Variants in MED12L observed in about 807,000 individuals in gnomAD.
MED12L encodes the protein mediator complex subunit 12L.
In MED12L, 60 loss-of-function variants were observed where a neutral mutation model predicts 281.3. The observed-to-expected ratio is 0.21, with a 90% confidence interval of 0.17 to 0.26. The LOEUF is 0.26. Among genes scored for constraint, MED12L ranks in the 10% least tolerant of loss-of-function variants. The pLI is 1.00. For missense variants in MED12L, 2,146 were observed against 2,680.9 expected, an observed-to-expected ratio of 0.80 and a Z score of 4.41; for synonymous variants, 974 against 987.2, an observed-to-expected ratio of 0.99 and a Z score of 0.25.
chr3:151,230,853 T>C (rs962752218), intron 16 of MED12L, among the ~76,000 whole-genome samples: 2 of 152,146 alleles, frequency 1.3e-5, no homozygotes, highest in African/African-American at 2.4e-5. Context: ...GTCAGTGAGC[T>C]CATCTTGTTT....
chr3:151,254,638 A>T (rs1202662050), intron 16 of MED12L, among the ~76,000 whole-genome samples: 1 of 152,258 alleles, frequency 6.6e-6, no homozygotes, highest in Non-Finnish European at 1.5e-5. Flanking sequence ...AGCTGCATTT[A>T]GAGAGAAATG....
chr3:151,332,030 G>A (rs570198907), intron 16 of MED12L, among the ~76,000 whole-genome samples: 152 of 152,334 alleles, frequency 1.0e-3, no homozygotes, highest in African/African-American at 3.5e-3. Flanking sequence ...CCTGATGTGT[G>A]AGAAGGAAAC....
At chr3:151,094,677 A>G (rs1720486705) in intron 2 of MED12L, among the ~76,000 whole-genome samples, 1 of 152,216 alleles carries the variant, frequency 6.6e-6, no homozygotes, top group Non-Finnish European at 1.5e-5. Flanking sequence ...TTAAAAATAT[A>G]TATACACAAT....
At chr3:151,368,667 T>TTCATG (rs1560087281) in intron 25 of MED12L, among the ~76,000 whole-genome samples, 169 of 58,022 alleles carry the variant, frequency 2.9e-3, no homozygotes, top group Non-Finnish European at 4.0e-3. Flanking sequence ...TTCATTTCAT[T>TTCATG]TCATTTCATG....
At chr3:151,285,750 G>A (rs1355914762) in intron 16 of MED12L, among the ~76,000 whole-genome samples, 1 of 152,098 alleles carries the variant, frequency 6.6e-6, no homozygotes, top group Non-Finnish European at 1.5e-5. Flanking sequence ...ATTAAGAGGT[G>A]GGGCCTTTGG....
chr3:151,288,797 A>G (rs1051090005), intron 16 of MED12L, among the ~76,000 whole-genome samples: 1 of 140,820 alleles, frequency 7.1e-6, no homozygotes, highest in African/African-American at 2.7e-5. Flanking sequence ...TTACCACATT[A>G]TATTAACTGT....
intron 16 of MED12L, among the ~76,000 whole-genome samples, chr3:151,309,141 GCACA>G (rs1553775156): frequency 1.9e-3 from 287 of 147,598 alleles, no homozygotes; most frequent in African/African-American, 6.3e-3. Flanking sequence ...ACACACACAC[GCACA>G]CACACACACA....
At chr3:151,275,526 A>C (rs371232509) in intron 16 of MED12L, among the ~76,000 whole-genome samples, 1 of 152,234 alleles carries the variant, frequency 6.6e-6, no homozygotes, top group Non-Finnish European at 1.5e-5. Flanking sequence ...ATCTAAAAGC[A>C]TATGACCAGT....
chr3:151,344,097 A>G (rs984551460), intron 16 of MED12L, among the ~76,000 whole-genome samples: 4 of 152,078 alleles, frequency 2.6e-5, no homozygotes, highest in Non-Finnish European at 5.9e-5. Flanking sequence ...TTTCGCAAAA[A>G]TGAATGCCGT....
intron 11 of MED12L, among the ~76,000 whole-genome samples, chr3:151,169,705 C>G (rs547395184): frequency 4.6e-5 from 7 of 152,282 alleles, no homozygotes; most frequent in Non-Finnish European, 1.0e-4. Flanking sequence ...TGTGATGATG[C>G]TGTTCTCTGA....
intron 13 of MED12L, 35 bp from the exon 14 acceptor site, chr3:151,190,682 T>A: frequency 2.5e-6 from 4 of 1,596,348 alleles, no homozygotes; most frequent in Non-Finnish European, 3.4e-6. Flanking sequence ...TACCACCTGC[T>A]CAAGGAATTC....
intron 16 of MED12L, among the ~76,000 whole-genome samples, chr3:151,275,678 A>G (rs1188764227): frequency 6.6e-6 from 1 of 152,172 alleles, no homozygotes; most frequent in African/African-American, 2.4e-5. Flanking sequence ...TAAGGGTGCT[A>G]GGGAGGAAAA....
intron 16 of MED12L, chr3:151,329,516 T>G: frequency 6.5e-7 from 1 of 1,548,520 alleles, no homozygotes; most frequent in East Asian, 2.5e-5. Flanking sequence ...TGTCTTCTTA[T>G]GGCGGCAGTC....
intron 5 of MED12L, among the ~76,000 whole-genome samples, chr3:151,150,052 G>A (rs1718249356): frequency 6.6e-6 from 1 of 152,074 alleles, no homozygotes; most frequent in Non-Finnish European, 1.5e-5. Context: ...GTCAATATTT[G>A]ACCCCCTGAC....
At chr3:151,377,989 G>A in intron 30 of MED12L, 23 bp from the exon 31 acceptor site, 1 of 1,577,092 alleles carries the variant, frequency 6.3e-7, no homozygotes, top group South Asian at 1.2e-5. Flanking sequence ...TTTCTCCGGT[G>A]TAACACCTGT....
At chr3:151,088,025 C>A (rs1292909523) in intron 2 of MED12L, among the ~76,000 whole-genome samples, 2 of 152,162 alleles carry the variant, frequency 1.3e-5, no homozygotes, top group Non-Finnish European at 2.9e-5. Context: ...AAAAACCCTC[C>A]ATTAAAAGTT....
chr3:151,246,917 T>G (rs1344472728), intron 16 of MED12L, among the ~76,000 whole-genome samples: 37 of 151,782 alleles, frequency 2.4e-4, no homozygotes, highest in Admixed American at 2.4e-3. Flanking sequence ...TGAAACAAAT[T>G]TACAAGAAAA....
chr3:151,112,062 A>C lies in MED12L; in HGVS notation c.100-4276A>C, dbSNP rs1178860205. On this transcript the variant is annotated intron_variant, in intron 2 of 44. Coordinates refer to ENST00000687756, the MANE Select transcript of MED12L (RefSeq NM_001393769.1). ...TTTAATATACATTTAATACACACTGAGTTTCTGAGGAATATAACTGTTGCG... is the reference window on the plus strand; with the variant it reads ...TTTAATATACATTTAATACACACTGCGTTTCTGAGGAATATAACTGTTGCG... Among the ~76,000 whole-genome samples, 3 of 152,086 alleles carry C rather than the reference A, an allele frequency of 2.0e-5. No individual in the cohort carries two copies. In the East Asian group the frequency reaches 5.8e-4, roughly 29 times the overall value.
intron 2 of MED12L, among the ~76,000 whole-genome samples, chr3:151,090,107 C>G (rs923250574): frequency 6.6e-6 from 1 of 152,136 alleles, no homozygotes. Context: ...TTCCACTCAG[C>G]TCTTCTCACC....
Sources: gnomAD v4.1 joint callset for allele counts (sites outside exome capture counted in the v4.1 genomes callset) on GRCh38, gnomAD v4.1.1 for gene constraint, MANE v1.5 for transcripts, NCBI Gene and HGNC (gene_info 2026-07-23, HGNC 2026-07-21) for gene names.